The following PACRG variants were observed in gnomAD, a reference collection of about 807,000 sequenced individuals.
The protein encoded by PACRG is parkin coregulated gene protein.
PACRG carries 29 observed loss-of-function variants against 29.7 expected under a neutral mutation model. The observed-to-expected ratio is 0.98, with a 90% CI of 0.73 to 1.33. PACRG has a LOEUF of 1.33. PACRG is among the 40% of genes most tolerant of loss of function. The pLI, the probability that PACRG is intolerant of heterozygous loss-of-function variation, is 0.00. For synonymous variants in PACRG, 116 were observed against 118.7 expected (o/e 0.98, Z 0.15); for missense variants, 279 against 316.2 (o/e 0.88, Z 0.89).
At chr6:163,226,198 C>A (rs1301744228) in intron 4 of PACRG, among the ~76,000 whole-genome samples, 1 of 152,104 alleles carries the variant, frequency 6.6e-6, no homozygotes, top group African/African-American at 2.4e-5. Context: ...TTAGCAGGAG[C>A]CTGGGGAAGG....
At chr6:163,087,094 G>C (rs1460091027) in intron 3 of PACRG, among the ~76,000 whole-genome samples, 2 of 152,134 alleles carry the variant, frequency 1.3e-5, no homozygotes, top group African/African-American at 4.8e-5. Flanking sequence ...AGTGGAGAAA[G>C]ACAGAAAGAA....
At chr6:162,902,833 A>C (rs191681019) in intron 2 of PACRG, among the ~76,000 whole-genome samples, 22 of 152,294 alleles carry the variant, frequency 1.4e-4, no homozygotes, top group African/African-American at 5.3e-4. Flanking sequence ...TCCTCTTATC[A>C]ATTTGACCCC....
At chr6:163,261,269 A>G (rs1391707093) in intron 4 of PACRG, among the ~76,000 whole-genome samples, 1 of 151,950 alleles carries the variant, frequency 6.6e-6, no homozygotes, top group African/African-American at 2.4e-5. Context: ...TTTTACTTTA[A>G]GTTCTGGGAT....
rs199935199 is a variant in PACRG, at chr6:163,269,898, G to C, written c.614-44929G>C. ...GAAAGAAAGAAAGAAAGAAAACAAA[G>C]AAAGAAAGAAAGAAAGAAAGAAAGA... is the stretch of plus-strand genomic sequence containing the variant. On this transcript the variant is annotated intron_variant, in intron 4 of 4. Coordinates refer to ENST00000366888, the MANE Select transcript of PACRG (RefSeq NM_001080379.2). 7.8e-3 allele frequency among the ~76,000 whole-genome samples: 385 copies of C among 49,168 alleles called. 24 individuals are homozygous for C. The highest frequency in any genetic ancestry group is 0.029 in the Middle Eastern group (3 of 102). 32.3% of individuals were successfully genotyped at this position (49,168 alleles called of 152,430 possible).
rs137882067 is a variant in PACRG at position 163,001,670 on chromosome 6, C to G, written c.292-60480C>G. 5.3e-5 allele frequency among the ~76,000 whole-genome samples: 8 copies of G among 152,144 alleles called. No homozygotes were observed. The South Asian group carries it at 1.5e-3, about 28-fold the overall frequency. On this transcript the variant is annotated intron_variant, in intron 2 of 4. Transcript: ENST00000366888. ...TTGTTACTTTAGGGAATTGTCTTCA[C>G]TCTATTTGGTTCTTGGTGGAATTTG... is the stretch of plus-strand genomic sequence containing the variant.
chr6:162,777,166 C>T lies in PACRG; in HGVS notation c.157-36981C>T, dbSNP rs1033460561. Among the ~76,000 whole-genome samples the T allele has an allele frequency of 7.2e-5, 11 of 152,164 alleles. No homozygotes were observed. The highest frequency in any genetic ancestry group is 2.7e-4 in the African/African-American group (11 of 41,438). ...TGTTCTGTCGCACACTTGCACAAACCCTGATCTCTCTTCAGGGGCCTCTTC... is the reference window on the plus strand; with the variant it reads ...TGTTCTGTCGCACACTTGCACAAACTCTGATCTCTCTTCAGGGGCCTCTTC... On this transcript the variant is annotated intron_variant, in intron 1 of 4. Transcript: ENST00000366888. The surrounding 1 kb of genome is among the most constrained non-coding windows in gnomAD (Gnocchi z 4.0).
chr6:162,857,209 G>A (rs560723628), intron 2 of PACRG, among the ~76,000 whole-genome samples: 121 of 152,304 alleles, frequency 7.9e-4, no homozygotes, highest in African/African-American at 2.9e-3. Context: ...CCCAGTCCGA[G>A]TTCTCTTTTC....
intron 2 of PACRG, among the ~76,000 whole-genome samples, chr6:162,997,742 T>G (rs948531519): frequency 6.6e-6 from 1 of 152,230 alleles, no homozygotes; most frequent in Non-Finnish European, 1.5e-5. Flanking sequence ...ATACTTGACA[T>G]TGTCAGACTT....
intron 1 of PACRG, among the ~76,000 whole-genome samples, chr6:162,767,191 A>G (rs192373674): frequency 1.2e-3 from 179 of 152,134 alleles, no homozygotes; most frequent in African/African-American, 4.2e-3. Context: ...GTGTGTATGT[A>G]TGAATTTGTT....
chr6:162,946,993 A>G (rs546424824), intron 2 of PACRG, among the ~76,000 whole-genome samples: 4 of 152,092 alleles, frequency 2.6e-5, no homozygotes, highest in African/African-American at 9.6e-5. Flanking sequence ...AATAAAGGCC[A>G]TATATGACAA....
At chr6:162,988,253 G>A (rs1187370061) in intron 2 of PACRG, among the ~76,000 whole-genome samples, 1 of 152,186 alleles carries the variant, frequency 6.6e-6, no homozygotes, top group Non-Finnish European at 1.5e-5. Flanking sequence ...TTAAATTGAG[G>A]AAGAATGTTG....
intron 2 of PACRG, among the ~76,000 whole-genome samples, chr6:162,821,390 T>C (rs530221771): frequency 6.6e-6 from 1 of 152,352 alleles, no homozygotes; most frequent in African/African-American, 2.4e-5. Flanking sequence ...TTGTTTGGCA[T>C]TGGCTAAAGA....
chr6:163,056,815 A>G (rs1810630115), intron 2 of PACRG, among the ~76,000 whole-genome samples: 1 of 151,982 alleles, frequency 6.6e-6, no homozygotes, highest in Non-Finnish European at 1.5e-5. Flanking sequence ...TCCATGCTCC[A>G]CCCCTCTAAT....
chr6:162,795,202 G>A (rs1785273879), intron 1 of PACRG, among the ~76,000 whole-genome samples: 1 of 151,834 alleles, frequency 6.6e-6, no homozygotes, highest in Admixed American at 6.6e-5. Flanking sequence ...AGTAAACTGT[G>A]GTGAAAATAG....
intron 4 of PACRG, among the ~76,000 whole-genome samples, chr6:163,173,126 T>C (rs191705231): frequency 2.7e-4 from 41 of 152,336 alleles, no homozygotes; most frequent in African/African-American, 9.6e-4. Flanking sequence ...CGTTAGGAAA[T>C]ACACCTGAGT....
rs777419437 is a variant in PACRG, at chr6:163,089,366, C to T, written c.571C>T (p.Arg191Cys). The change falls in exon 4 of 5, where the codon CGT becomes TGT. Residue 191 changes from arginine (R) to cysteine (C), a missense_variant. By Grantham distance (180) the Arg-to-Cys change is radical. Coordinates refer to ENST00000366888, the MANE Select transcript of PACRG (RefSeq NM_001080379.2). ...GGGCAAGGCCTTGGTGCCTTATTAC[C>T]GTCAAATCCTCCCTGTCCTGAACAT... is the stretch of plus-strand genomic sequence containing the variant. Reference protein sequence around the residue: ...MVGKALVPYYRQILPVLNIFK... With the variant: ...MVGKALVPYYCQILPVLNIFK... 79 of 1,613,992 alleles carry T rather than the reference C, an allele frequency of 4.9e-5. No homozygotes were observed. In the East Asian group the frequency reaches 1.6e-3, roughly 33 times the overall value.
At chr6:163,258,550 G>A (rs1783203025) in intron 4 of PACRG, among the ~76,000 whole-genome samples, 1 of 152,118 alleles carries the variant, frequency 6.6e-6, no homozygotes, top group African/African-American at 2.4e-5. Flanking sequence ...GAGGTCAGGA[G>A]ATCGAAACCA....
chr6:162,760,613 C>T (rs188662933), intron 1 of PACRG, among the ~76,000 whole-genome samples: 25 of 152,170 alleles, frequency 1.6e-4, no homozygotes, highest in Admixed American at 3.9e-4. Context: ...AGGAACCACA[C>T]GGAGGTCAGT....
At chr6:163,045,558 C>G (rs1809252312) in intron 2 of PACRG, among the ~76,000 whole-genome samples, 1 of 150,988 alleles carries the variant, frequency 6.6e-6, no homozygotes, top group Non-Finnish European at 1.5e-5. Context: ...CTCCTGACCT[C>G]TTGATCCACC....
Sources: gnomAD v4.1 joint callset for allele counts (sites outside exome capture counted in the v4.1 genomes callset) on GRCh38, gnomAD v4.1.1 for gene constraint, Gnocchi (gnomAD v3.1) non-coding constraint, MANE v1.5 for transcripts, NCBI Gene and HGNC (gene_info 2026-07-23, HGNC 2026-07-21) for gene names.